The following SCN8A variants were observed in gnomAD, a reference collection of about 807,000 sequenced individuals.
The protein encoded by SCN8A is sodium voltage-gated channel alpha subunit 8.
In SCN8A, 30 loss-of-function variants were observed where a neutral mutation model predicts 184.1. The observed-to-expected ratio is 0.16, with a 90% CI of 0.12 to 0.22. The LOEUF is 0.22. Among genes scored for constraint, SCN8A ranks in the 10% least tolerant of loss-of-function variants. The pLI is 1.00. For missense variants in SCN8A, 1,057 were observed against 2,498.9 expected, an observed-to-expected ratio of 0.42 and a Z score of 12.30; for synonymous variants, 852 against 907.0, an observed-to-expected ratio of 0.94 and a Z score of 1.09.
At chr12:51,736,360 T>C (rs1224881970) in intron 12 of SCN8A, among the ~76,000 whole-genome samples, 1 of 152,182 alleles carries the variant, frequency 6.6e-6, no homozygotes, top group Non-Finnish European at 1.5e-5. Context: ...TACATGTACA[T>C]AAGCTAGTCT....
At chr12:51,692,327 T>C (rs1482003483) in intron 6 of SCN8A, among the ~76,000 whole-genome samples, 1 of 152,202 alleles carries the variant, frequency 6.6e-6, no homozygotes, top group African/African-American at 2.4e-5. Flanking sequence ...TTGGTAGATA[T>C]TCTGAGTATG....
At chr12:51,759,801 A>G (rs1942735328) in intron 14 of SCN8A, among the ~76,000 whole-genome samples, 1 of 152,244 alleles carries the variant, frequency 6.6e-6, no homozygotes, top group African/African-American at 2.4e-5. Flanking sequence ...AGACTGGGTA[A>G]TTTATAACAG....
intron 1 of SCN8A, among the ~76,000 whole-genome samples, chr12:51,618,003 T>C (rs1364481938): frequency 2.0e-5 from 3 of 152,196 alleles, no homozygotes; most frequent in Admixed American, 6.5e-5. Context: ...TACAGCCTTA[T>C]TGAGCTCCTT....
intron 26 of SCN8A, among the ~76,000 whole-genome samples, chr12:51,800,043 G>A (rs541729910): frequency 1.3e-5 from 2 of 152,212 alleles, no homozygotes; most frequent in African/African-American, 4.8e-5. Context: ...ATGATATCTT[G>A]TGGAAGGGAA....
chr12:51,754,425 A>G (rs1377119081), intron 14 of SCN8A, among the ~76,000 whole-genome samples: 1 of 151,964 alleles, frequency 6.6e-6, no homozygotes, highest in East Asian at 1.9e-4. Flanking sequence ...CTCCTACATA[A>G]CCATAGTATA....
intron 12 of SCN8A, among the ~76,000 whole-genome samples, 186 bp from the exon 13 acceptor site, chr12:51,745,717 C>T (rs1942498879): frequency 6.6e-6 from 1 of 152,094 alleles, no homozygotes; most frequent in African/African-American, 2.4e-5. Flanking sequence ...CATCTTATCA[C>T]CCACAGAAAT....
Position 51,602,011 on chromosome 12 carries a change from A to C in SCN8A, c.-55+10652A>C, listed in dbSNP as rs369518708. ...CTAGAACCATTAGCTCCTTATAGGC[A>C]TTGCTTCTGTTTATATGGATGTTGA... On this transcript the variant is annotated intron_variant, in intron 1 of 26. Transcript: ENST00000627620. Among the ~76,000 whole-genome samples, 17 of 151,930 alleles carry C rather than the reference A, an allele frequency of 1.1e-4. No homozygotes were observed. The East Asian group carries it at 1.7e-3, about 16-fold the overall frequency.
chr12:51,693,298 T>C lies in SCN8A; in HGVS notation c.706+4202T>C, dbSNP rs979157630. Among the ~76,000 whole-genome samples the C allele has an allele frequency of 2.6e-5, 4 of 152,234 alleles. No homozygotes were observed. The East Asian group carries it at 7.7e-4, about 29-fold the overall frequency. On this transcript the variant is annotated intron_variant, in intron 6 of 26. Coordinates refer to ENST00000627620, the MANE Select transcript of SCN8A (RefSeq NM_001330260.2). ...TTCCCACATTGCTTCTTAGGAAAGA[T>C]AAAGTTTAACAGTGGTCCTAAGTGA...
At chr12:51,634,658 T>TATTA (rs1192134163) in intron 1 of SCN8A, among the ~76,000 whole-genome samples, 6 of 121,912 alleles carry the variant, frequency 4.9e-5, no homozygotes, top group African/African-American at 1.9e-4. Context: ...TTATTATTAT[T>TATTA]TTTTTTTTTT....
At chr12:51,751,904 C>T (rs1394116898) in intron 14 of SCN8A, among the ~76,000 whole-genome samples, 1 of 152,066 alleles carries the variant, frequency 6.6e-6, no homozygotes, top group Non-Finnish European at 1.5e-5. Context: ...TGGTTTTTTT[C>T]CTCATTCTGT....
In SCN8A at chr12:51,721,106, T is replaced by TATATATATATATATATATATATAA. The variant is rs1179556945; in HGVS notation, c.1636-439_1636-438insTATATATATATATATATATATAAA. On this transcript the variant is annotated intron_variant, in intron 11 of 26. Transcript: ENST00000627620. The stretch of plus-strand genomic sequence containing the variant: ...TTATATATATATATATATATATATA[T>TATATATATATATATATATATATAA]AATATTTATTTATTGTTATATATAT... 1.9e-3 allele frequency among the ~76,000 whole-genome samples: 197 copies of TATATATATATATATATATATATAA among 106,078 alleles called. 2 individuals are homozygous for TATATATATATATATATATATATAA. The highest frequency in any genetic ancestry group is 7.4e-3 in the African/African-American group (190 of 25,798). The allele number at this position is 106,078 out of a possible 152,430, so 69.6% of individuals were successfully genotyped here. A position where few individuals can be genotyped will look rare whatever the true frequency, so the allele number is the denominator to read the frequency against.
chr12:51,800,244 A>T (rs1180343054), intron 26 of SCN8A, among the ~76,000 whole-genome samples: 1 of 152,294 alleles, frequency 6.6e-6, no homozygotes, highest in African/African-American at 2.4e-5. Context: ...ATACCAGGAG[A>T]TGTGTTAATT....
intron 2 of SCN8A, among the ~76,000 whole-genome samples, chr12:51,671,622 T>C (rs1458224267): frequency 6.6e-6 from 1 of 152,248 alleles, no homozygotes; most frequent in African/African-American, 2.4e-5. Context: ...TTCAAGATTA[T>C]GATAATATCG....
chr12:51,748,047 C>G (rs1420217177), intron 13 of SCN8A, among the ~76,000 whole-genome samples: 1 of 152,136 alleles, frequency 6.6e-6, no homozygotes, highest in Non-Finnish European at 1.5e-5. Context: ...GTATTTGACC[C>G]TTTTGTTGAA....
intron 5 of SCN8A, among the ~76,000 whole-genome samples, chr12:51,687,516 G>A (rs537838843): frequency 2.0e-5 from 3 of 152,234 alleles, no homozygotes; most frequent in Admixed American, 6.5e-5. Context: ...TCCTTGTAAC[G>A]ATCACGGTTT....
At chr12:51,639,506 CCT>C (rs1319538579) in intron 1 of SCN8A, among the ~76,000 whole-genome samples, 1 of 152,058 alleles carries the variant, frequency 6.6e-6, no homozygotes, top group Non-Finnish European at 1.5e-5. Flanking sequence ...CCTCGAACTC[CCT>C]GACTCAAGTG....
intron 16 of SCN8A, among the ~76,000 whole-genome samples, chr12:51,767,581 G>T (rs1942857870): frequency 6.6e-6 from 1 of 152,078 alleles, no homozygotes; most frequent in Admixed American, 6.6e-5. Context: ...TAAAAATGTG[G>T]TCTCAAGACC....
At chr12:51,699,519 G>T (rs1396050535) in intron 6 of SCN8A, 51 bp from the exon 7 acceptor site, 1 of 1,450,372 alleles carries the variant, frequency 6.9e-7, no homozygotes, top group Non-Finnish European at 9.5e-7. Context: ...GGCTTGGGGA[G>T]GTGGGGAGGG....
chr12:51,769,468 C>G lies in SCN8A; in HGVS notation c.3372+133C>G, dbSNP rs907205897. 49 of 638,820 alleles carry G rather than the reference C, an allele frequency of 7.7e-5. 2 individuals carry two copies. Among genetic ancestry groups the G allele is most frequent in the Admixed American group, 4.4e-4 (15 of 34,062 alleles). The allele number at this position is 638,820 out of a possible 1,614,324, so 39.6% of individuals were successfully genotyped here. A position where few individuals can be genotyped will look rare whatever the true frequency, so the allele number is the denominator to read the frequency against. On this transcript the variant is annotated intron_variant, in intron 17 of 26. Coordinates refer to ENST00000627620, the MANE Select transcript of SCN8A (RefSeq NM_001330260.2). The stretch of plus-strand genomic sequence containing the variant: ...AACCAATTTACTTGGAGAACTAATT[C>G]CACCATCCCAGTATCATTCTAGGCC...
Sources: gnomAD v4.1 joint callset for allele counts (sites outside exome capture counted in the v4.1 genomes callset) on GRCh38, gnomAD v4.1.1 for gene constraint, MANE v1.5 for transcripts, NCBI Gene and HGNC (gene_info 2026-07-23, HGNC 2026-07-21) for gene names.